SLC38A10: variants seen among roughly 807,000 people sequenced by gnomAD.
SLC38A10 encodes the protein solute carrier family 38 member 10.
In SLC38A10, 53 loss-of-function variants were observed where a neutral mutation model predicts 81.0. The ratio of observed to expected loss-of-function variants is 0.65; its 90% CI spans 0.53 to 0.82. The LOEUF is 0.82. Ranked by LOEUF, SLC38A10 falls within the 40% of genes least tolerant of loss-of-function variation. The probability of loss-of-function intolerance (pLI) is 0.00; values close to 1 mark genes in which losing one functional copy is unlikely to be tolerated. For synonymous variants in SLC38A10, 665 were observed against 655.3 expected, an observed-to-expected ratio of 1.01 and a Z score of -0.23; for missense variants, 1,471 against 1,545.0, an observed-to-expected ratio of 0.95 and a Z score of 0.80.
rs1048968392 is a variant in SLC38A10 at position 81,283,165 on chromosome 17, G to A, written c.357+244C>T. Among the ~76,000 whole-genome samples the A allele has an allele frequency of 1.3e-5, 2 of 152,160 alleles. No homozygotes were observed. Among genetic ancestry groups the A allele is most frequent in the African/African-American group, 2.4e-5 (1 of 41,446 alleles). On this transcript the variant is annotated intron_variant, in intron 4 of 15. Transcript: ENST00000374759. This position sits in a 1 kb window ranked among gnomAD's most constrained non-coding sequence, Gnocchi z 4.7. Reference sequence around the variant, plus strand: ...GCTCTGCACTGTGCCCGGGTCTGAGGCTCCCCCACCCGCCCCTCATCTACA... The same window carrying A: ...GCTCTGCACTGTGCCCGGGTCTGAGACTCCCCCACCCGCCCCTCATCTACA...
rs2063110748 is a variant in SLC38A10, at chr17:81,271,000, C to A, written c.1049G>T (p.Gly350Val). The A allele has an allele frequency of 1.2e-6, 2 of 1,613,284 alleles. No individual in the cohort carries two copies. Among genetic ancestry groups the A allele is most frequent in the Non-Finnish European group, 1.7e-6 (2 of 1,179,998 alleles). ...GCAGATGAGGCTTCCCATGGTCGCT[C>A]CTGTGAGGCCCAGGATGGTCTCCAC... ...PNVETILGLT[G>V]ATMGSLICFI... is the part of the protein sequence containing the mutation. The change falls in exon 10 of 16, where the codon GGA (glycine) becomes GTA (valine). Residue 350 changes from glycine to valine, a missense_variant. Physicochemically the swap from Gly to Val is moderately radical, Grantham distance 109. This residue lies in a region of SLC38A10 where 720 missense variants were observed against 827.7 expected (regional missense o/e 0.87). Coordinates refer to ENST00000374759, the MANE Select transcript of SLC38A10 (RefSeq NM_001037984.3). The surrounding 1 kb of genome is among the most constrained non-coding windows in gnomAD (Gnocchi z 4.0).
chr17:81,269,634 C>T (rs1015498976), intron 10 of SLC38A10, among the ~76,000 whole-genome samples: 1 of 152,038 alleles, frequency 6.6e-6, no homozygotes, highest in Admixed American at 6.6e-5. Flanking sequence ...TCTGGGGTGC[C>T]GGGATGTCCT....
chr17:81,283,053 A>C lies in SLC38A10; in HGVS notation c.357+356T>G, dbSNP rs1598403774. ...GAAGTGCTGAGTCCACAGCCCCCAG[A>C]AGCTCTGGGTGACCATGGAGGCCGG... On this transcript the variant is annotated intron_variant, in intron 4 of 15. Coordinates refer to ENST00000374759, the MANE Select transcript of SLC38A10 (RefSeq NM_001037984.3). The surrounding 1 kb of genome is among the most constrained non-coding windows in gnomAD (Gnocchi z 4.7). Among the ~76,000 whole-genome samples, 1 of 152,060 alleles carries C rather than the reference A, an allele frequency of 6.6e-6. No homozygotes were observed. The highest frequency in any genetic ancestry group is 2.4e-5 in the African/African-American group (1 of 41,386).
Position 81,289,587 on chromosome 17 carries a change from C to A in SLC38A10, c.217+104G>T. 1 of 803,852 alleles carries A rather than the reference C, an allele frequency of 1.2e-6. No individual in the cohort carries two copies. Among genetic ancestry groups the A allele is most frequent in the Non-Finnish European group, 1.8e-6 (1 of 560,696 alleles). 49.8% of individuals were successfully genotyped at this position (803,852 alleles called of 1,614,324 possible). On this transcript the variant is annotated intron_variant, in intron 2 of 15. Transcript: ENST00000374759. The surrounding 1 kb of genome is among the most constrained non-coding windows in gnomAD (Gnocchi z 5.9). ...TTTAAAATAAAAAAAACCCTGCTATCCAAGGAATTCTTGAAGAATCAAGTA... is the reference window on the plus strand; with the variant it reads ...TTTAAAATAAAAAAAACCCTGCTATACAAGGAATTCTTGAAGAATCAAGTA...
intron 1 of SLC38A10, among the ~76,000 whole-genome samples, chr17:81,292,377 A>T (rs1229259441): frequency 6.6e-6 from 1 of 151,996 alleles, no homozygotes; most frequent in Non-Finnish European, 1.5e-5. Context: ...CACCCTCCTC[A>T]GCCTCCAAAA....
rs552068416 is a variant in SLC38A10, at chr17:81,251,135, T to C, written c.2065+358A>G. On this transcript the variant is annotated intron_variant, in intron 14 of 15. Transcript: ENST00000374759. ...CCCACACCTGGCTGGCTTTAAATAC[T>C]CCGAGTGTTAAAACTGTTAACAAAC... The C allele has an allele frequency of 3.1e-5, 47 of 1,515,402 alleles. No homozygotes were observed. The African/African-American group carries it at 6.0e-4, about 19-fold the overall frequency. 93.9% of individuals were successfully genotyped at this position (1,515,402 alleles called of 1,614,324 possible).
chr17:81,294,090 T>C (rs1369871626), intron 1 of SLC38A10, among the ~76,000 whole-genome samples: 2 of 152,214 alleles, frequency 1.3e-5, no homozygotes, highest in Non-Finnish European at 2.9e-5. Flanking sequence ...CTCGGCTCAC[T>C]GCAACCTTCG....
At position 81,253,237 on chromosome 17, in the gene SLC38A10, T is replaced by C; in HGVS notation, c.1292A>G (p.Gln431Arg). The C allele has an allele frequency of 6.2e-7, 1 of 1,613,522 alleles. No homozygotes were observed. Among genetic ancestry groups the C allele is most frequent in the Non-Finnish European group, 8.5e-7 (1 of 1,179,992 alleles). ...CTCAGCCACGGCCACAACCGGATCCTGGGCTGGGAGCAGGGCACAGTTAGG... is the reference window on the plus strand; with the variant it reads ...CTCAGCCACGGCCACAACCGGATCCCGGGCTGGGAGCAGGGCACAGTTAGG... The part of the protein sequence containing the change: ...MKVEAARLSA[Q>R]DPVVAVAEDG... The change falls in exon 12 of 16, where the codon CAG (glutamine) becomes CGG (arginine). Residue 431 changes from glutamine (Q) to arginine (R), a missense_variant. By Grantham distance (43) the Gln-to-Arg change is conservative. Coordinates refer to ENST00000374759, the MANE Select transcript of SLC38A10 (RefSeq NM_001037984.3). The surrounding 1 kb of genome is among the most constrained non-coding windows in gnomAD (Gnocchi z 4.1).
intron 1 of SLC38A10, among the ~76,000 whole-genome samples, chr17:81,292,817 C>A (rs2063321098): frequency 6.6e-6 from 1 of 152,204 alleles, no homozygotes; most frequent in African/African-American, 2.4e-5. Context: ...GAGCCCCTTC[C>A]ACGGTGGCAC....
intron 11 of SLC38A10, among the ~76,000 whole-genome samples, chr17:81,257,358 A>G (rs183069982): frequency 2.4e-4 from 36 of 152,262 alleles, no homozygotes; most frequent in African/African-American, 8.2e-4. Context: ...GGCCTCCCAC[A>G]GTGCTGAGAT....
chr17:81,280,592 C>CACAGCAGG lies in SLC38A10; in HGVS notation c.626+9_626+16dup, dbSNP rs1354837233. The stretch of plus-strand genomic sequence containing the variant: ...CCCGTCACAGAACTCCACCACAGAC[C>CACAGCAGG]ACAGCAGGACACTTACGACTGGCAG... On this transcript the variant is annotated intron_variant, in intron 6 of 15. Coordinates refer to ENST00000374759, the MANE Select transcript of SLC38A10 (RefSeq NM_001037984.3). 3 of 1,612,912 alleles carry CACAGCAGG rather than the reference C, an allele frequency of 1.9e-6. No individual in the cohort carries two copies. In the African/African-American group the frequency reaches 4.0e-5, roughly 22 times the overall value.
intron 14 of SLC38A10, chr17:81,250,989 G>A: frequency 7.3e-7 from 1 of 1,361,088 alleles, no homozygotes; most frequent in Non-Finnish European, 9.4e-7. Flanking sequence ...AGGCCCGAGG[G>A]TGTGGGAGCA....
intron 1 of SLC38A10, among the ~76,000 whole-genome samples, chr17:81,291,161 T>C (rs1215021647): frequency 6.6e-6 from 1 of 152,028 alleles, no homozygotes; most frequent in Non-Finnish European, 1.5e-5. Context: ...TCCAGTCTGT[T>C]GTTCTGTAGA....
At chr17:81,293,975 A>G (rs576773133) in intron 1 of SLC38A10, among the ~76,000 whole-genome samples, 2 of 152,200 alleles carry the variant, frequency 1.3e-5, no homozygotes, top group South Asian at 2.1e-4. Context: ...ATTTTTTCCA[A>G]CTGTGGTAAC....
In SLC38A10 at chr17:81,276,212, C is replaced by G; in HGVS notation, c.730-61G>C. 1.3e-6 allele frequency: 2 copies of G among 1,492,098 alleles called. No individual in the cohort carries two copies. The highest frequency in any genetic ancestry group is 1.8e-6 in the Non-Finnish European group (2 of 1,106,582). The allele number at this position is 1,492,098 out of a possible 1,614,324, so 92.4% of individuals were successfully genotyped here. On this transcript the variant is annotated intron_variant, in intron 7 of 15. Transcript: ENST00000374759. The surrounding 1 kb of genome is among the most constrained non-coding windows in gnomAD (Gnocchi z 4.7). ...GACATCCTAGCCGAGTGGCACCTGTCACAGTGGGCAGGGCATGGGGGGGAC... is the reference window on the plus strand; with the variant it reads ...GACATCCTAGCCGAGTGGCACCTGTGACAGTGGGCAGGGCATGGGGGGGAC...
intron 4 of SLC38A10, 58 bp from the exon 5 acceptor site, chr17:81,282,390 C>G: frequency 6.4e-7 from 1 of 1,554,154 alleles, no homozygotes; most frequent in Non-Finnish European, 8.7e-7. Flanking sequence ...CCACCGGGCT[C>G]TCTGCACTGA....
At chr17:81,280,529 G>A (rs963904919) in intron 6 of SLC38A10, 80 bp downstream of exon 6, 20 of 1,572,910 alleles carry the variant, frequency 1.3e-5, no homozygotes, top group Middle Eastern at 3.4e-4. Flanking sequence ...CACAGTAAAC[G>A]AGAAAGAGAG....
At chr17:81,250,722 A>G in intron 14 of SLC38A10, 1 of 630,000 alleles carries the variant, frequency 1.6e-6, no homozygotes, top group Non-Finnish European at 2.0e-6. Flanking sequence ...ACACCCTCAG[A>G]GGGCGGGTGG....
intron 14 of SLC38A10, among the ~76,000 whole-genome samples, chr17:81,248,199 C>T (rs1442880949): frequency 7.2e-5 from 11 of 152,150 alleles, no homozygotes; most frequent in Non-Finnish European, 1.5e-4. Context: ...CCTCGTGATT[C>T]GCACACCTCA....
Sources: allele counts gnomAD v4.1 joint callset (sites outside exome capture counted in the v4.1 genomes callset), GRCh38; gene constraint gnomAD v4.1.1; regional missense constraint gnomAD v4.1.1; non-coding constraint Gnocchi (gnomAD v3.1); transcripts MANE v1.5; gene names NCBI Gene and HGNC (gene_info 2026-07-23, HGNC 2026-07-21).